TRIM14: variants seen among roughly 807,000 people sequenced by gnomAD.
The protein encoded by TRIM14 is tripartite motif-containing protein 14.
In TRIM14, 28 loss-of-function variants were observed where a neutral mutation model predicts 44.5. That is an observed-to-expected ratio of 0.63 (90% confidence interval 0.47 to 0.86). TRIM14 has a LOEUF of 0.86. TRIM14 is among the 40% of genes least tolerant of loss of function. The pLI is 0.00. For synonymous variants in TRIM14, 299 were observed against 269.2 expected, an observed-to-expected ratio of 1.11 and a Z score of -1.08; for missense variants, 607 against 611.1, an observed-to-expected ratio of 0.99 and a Z score of 0.07.
the TRIM14 span, chr9:98,060,941 C>T: frequency 6.2e-7 from 1 of 1,614,212 alleles, no homozygotes; most frequent in Non-Finnish European, 8.5e-7. Flanking sequence ...GTACAGGGAG[C>T]TGCAGAGGTA....
the TRIM14 span, among the ~76,000 whole-genome samples, chr9:98,040,817 C>T: frequency 4.6e-5 from 7 of 151,988 alleles, no homozygotes; most frequent in Admixed American, 2.0e-4. Context: ...ACATCACGCC[C>T]GGCTAATTTT....
At chr9:98,043,027 C>T in the TRIM14 span, among the ~76,000 whole-genome samples, 2 of 152,030 alleles carry the variant, frequency 1.3e-5, no homozygotes, top group Non-Finnish European at 2.9e-5. Flanking sequence ...ATTGTGTATA[C>T]AACACATAAA....
At chr9:98,109,288 G>A (rs1333625049) in intron 2 of TRIM14, among the ~76,000 whole-genome samples, 1 of 151,298 alleles carries the variant, frequency 6.6e-6, no homozygotes, top group Non-Finnish European at 1.5e-5. Context: ...GGGAGCAACA[G>A]GATGAAAGGG....
intron 6 of TRIM14, chr9:98,078,375 T>G: frequency 1.9e-6 from 3 of 1,607,388 alleles, no homozygotes; most frequent in Non-Finnish European, 2.6e-6. Flanking sequence ...GGTTCCCTTC[T>G]TGGGCCATTT....
intron 6 of TRIM14, among the ~76,000 whole-genome samples, chr9:98,072,986 T>C (rs767102443): frequency 3.6e-4 from 55 of 152,218 alleles, no homozygotes; most frequent in Non-Finnish European, 7.3e-5. Flanking sequence ...GGTTGAAAGT[T>C]GCACCAAGGC....
chr9:98,063,016 A>C, the TRIM14 span, among the ~76,000 whole-genome samples: 2 of 151,610 alleles, frequency 1.3e-5, no homozygotes, highest in African/African-American at 4.9e-5. Context: ...GGCTCGCTGC[A>C]ACCCCCGCCT....
chr9:98,050,628 C>T, the TRIM14 span, among the ~76,000 whole-genome samples: 2 of 152,174 alleles, frequency 1.3e-5, no homozygotes, highest in Non-Finnish European at 2.9e-5. Context: ...AAATATTCCC[C>T]CTTTTTGGTC....
the TRIM14 span, among the ~76,000 whole-genome samples, chr9:98,056,240 A>C: frequency 6.6e-6 from 1 of 152,146 alleles, no homozygotes; most frequent in East Asian, 1.9e-4. Context: ...GTCATCTCAC[A>C]GTTCTATTTT....
intron 4 of TRIM14, among the ~76,000 whole-genome samples, 164 bp downstream of exon 4, chr9:98,094,702 AG>A (rs1453976566): frequency 6.6e-6 from 1 of 152,142 alleles, no homozygotes; most frequent in African/African-American, 2.4e-5. Flanking sequence ...TTGGAGGTGA[AG>A]TGGTGAGGGT....
Position 98,087,372 on chromosome 9 carries a change from A to G in TRIM14, c.*98T>C. On this transcript the variant is annotated 3_prime_UTR_variant, in exon 6 of 6. Coordinates refer to ENST00000341469, the MANE Select transcript of TRIM14 (RefSeq NM_014788.4). ...GCTGGGGCAGGGAGAGGGCCCTAAG[A>G]AGCAGGCAGTAAGGGGACCAGCCAC... is the stretch of plus-strand genomic sequence containing the variant. The G allele has an allele frequency of 6.4e-7, 1 of 1,561,270 alleles. No homozygotes were observed. The highest frequency in any genetic ancestry group is 8.8e-7 in the Non-Finnish European group (1 of 1,132,492).
At chr9:98,105,907 T>C (rs7855251) in intron 2 of TRIM14, among the ~76,000 whole-genome samples, 52,906 of 152,114 alleles carry the variant, frequency 0.35, 10,745 homozygotes, top group African/African-American at 0.56. Context: ...ATCTAGTCAT[T>C]CATCCAGGGT....
the TRIM14 span, chr9:98,056,663 G>GGGGA: frequency 7.9e-7 from 1 of 1,265,508 alleles, no homozygotes. Flanking sequence ...GCGGGGCCTA[G>GGGGA]GGGATTGGCT....
chr9:98,115,009 T>C (rs776843753), intron 1 of TRIM14, among the ~76,000 whole-genome samples: 1 of 152,246 alleles, frequency 6.6e-6, no homozygotes, highest in African/African-American at 2.4e-5. Flanking sequence ...GTGAGCAAAA[T>C]TGAAACATTT....
In TRIM14 at chr9:98,072,796, G is replaced by A. The variant is rs112419741; in HGVS notation, c.*29-3109C>T. The stretch of plus-strand genomic sequence containing the variant: ...TGGAGGTAGATTGGTTCCTTGTTCT[G>A]TATTTACCTAGCAAGTGGCTCCCAG... On this transcript the variant is annotated intron_variant, in intron 6 of 6. Transcript: ENST00000375098. 9.5e-3 allele frequency among the ~76,000 whole-genome samples: 1,445 copies of A among 152,194 alleles called. 20 individuals carry two copies. The highest frequency in any genetic ancestry group is 0.033 in the African/African-American group (1,365 of 41,524).
At chr9:98,101,664 G>A (rs1826397986) in intron 2 of TRIM14, among the ~76,000 whole-genome samples, 1 of 151,964 alleles carries the variant, frequency 6.6e-6, no homozygotes, top group Admixed American at 6.6e-5. Context: ...CAGGTGATCT[G>A]CCTGCCTTGG....
chr9:98,073,190 T>G (rs960675918), intron 6 of TRIM14, among the ~76,000 whole-genome samples: 7 of 150,740 alleles, frequency 4.6e-5, no homozygotes, highest in African/African-American at 1.7e-4. Flanking sequence ...TCTGACAGGC[T>G]GCTGCCCTGA....
intron 6 of TRIM14, chr9:98,075,468 G>GAGGA (rs1475349838): frequency 6.9e-6 from 1 of 144,452 alleles, no homozygotes; most frequent in Non-Finnish European, 1.5e-5. Flanking sequence ...GGGAGGGAGG[G>GAGGA]AGGAAGGAAG....
intron 2 of TRIM14, among the ~76,000 whole-genome samples, chr9:98,105,365 C>T (rs541771298): frequency 9.3e-4 from 141 of 152,252 alleles, no homozygotes; most frequent in African/African-American, 3.0e-3. Context: ...GATCACTTGA[C>T]GTCAGGAGTT....
At chr9:98,117,317 A>T (rs538175927) in intron 1 of TRIM14, among the ~76,000 whole-genome samples, 25 of 131,592 alleles carry the variant, frequency 1.9e-4, no homozygotes, top group South Asian at 5.0e-4. Flanking sequence ...TATTTATTTA[A>T]GACAAAGTCT....
Sources: allele counts gnomAD v4.1 joint callset (sites outside exome capture counted in the v4.1 genomes callset), GRCh38; gene constraint gnomAD v4.1.1; transcripts MANE v1.5; gene names NCBI Gene and HGNC (gene_info 2026-07-23, HGNC 2026-07-21).